The following CTNS variants were observed in gnomAD, a reference collection of about 807,000 sequenced individuals.
The protein encoded by CTNS is cystinosin.
CTNS carries 27 observed loss-of-function variants against 43.7 expected under a neutral mutation model. The observed-to-expected ratio is 0.62, with a 90% confidence interval of 0.46 to 0.85. The LOEUF is 0.85. CTNS is among the 40% of genes least tolerant of loss of function. CTNS has a pLI of 0.00. For synonymous variants in CTNS, 187 were observed against 190.6 expected (o/e 0.98, Z 0.16); for missense variants, 457 against 475.4 (o/e 0.96, Z 0.36).
rs222754 is a variant in CTNS at position 3,661,106 on chromosome 17, T to A, written c.*737T>A. On this transcript the variant is annotated 3_prime_UTR_variant, in exon 12 of 12. Transcript: ENST00000046640. ...TCTCTCCTACCTCCACCTTCTCAGA[T>A]TAGCCCCATCTGAGCACATCCAGCT... 99,220 of 351,798 alleles carry A rather than the reference T, an allele frequency of 0.28. 15,507 individuals are homozygous for A. Among genetic ancestry groups the A allele is most frequent in the East Asian group, 0.52 (6,907 of 13,346 alleles). The allele number at this position is 351,798 out of a possible 1,614,324, so 21.8% of individuals were successfully genotyped here. A position where few individuals can be genotyped will look rare whatever the true frequency, so the allele number is the denominator to read the frequency against.
chr17:3,656,592 G>A lies in CTNS; in HGVS notation c.561+6G>A, dbSNP rs2076153267. 2.5e-6 allele frequency: 4 copies of A among 1,611,586 alleles called. No individual in the cohort carries two copies. The highest frequency in any genetic ancestry group is 3.4e-6 in the Non-Finnish European group (4 of 1,179,388). ...TCTGGGTGCCCTACATCAAGGTACGGCCTTGCCTGCCCTACATCTCTGCCC... is the reference window on the plus strand; with the variant it reads ...TCTGGGTGCCCTACATCAAGGTACGACCTTGCCTGCCCTACATCTCTGCCC... On this transcript the variant is annotated splice_donor_region_variant and intron_variant, in intron 8 of 11. Coordinates refer to ENST00000046640, the MANE Select transcript of CTNS (RefSeq NM_004937.3).
rs533430300 is a variant in CTNS at position 3,647,528 on chromosome 17, T to C, written c.140+6T>C. ...AACGTCAGCCTCACCCTGCGGTAAGTTCCTGGGCCTGGCGCTGTGCTCAGC... is the reference window on the plus strand; with the variant it reads ...AACGTCAGCCTCACCCTGCGGTAAGCTCCTGGGCCTGGCGCTGTGCTCAGC... On this transcript the variant is annotated splice_donor_region_variant and intron_variant, in intron 4 of 11. Coordinates refer to ENST00000046640, the MANE Select transcript of CTNS (RefSeq NM_004937.3). The C allele has an allele frequency of 2.2e-5, 35 of 1,613,804 alleles. No homozygotes were observed. The East Asian group carries it at 6.7e-4, about 31-fold the overall frequency.
In CTNS at chr17:3,655,102, G is replaced by A. The variant is rs774342793; in HGVS notation, c.329+1G>A. On this transcript the variant is annotated splice_donor_variant, in intron 6 of 11. Coordinates refer to ENST00000046640, the MANE Select transcript of CTNS (RefSeq NM_004937.3). LOFTEE classifies it high-confidence loss of function. ...ATGGAAATCACTCCAATCAGACCGGGTAGGCTGGCCTCAGGGTGTGCGGGC... is the reference window on the plus strand; with the variant it reads ...ATGGAAATCACTCCAATCAGACCGGATAGGCTGGCCTCAGGGTGTGCGGGC... The A allele has an allele frequency of 4.3e-6, 7 of 1,613,944 alleles. No individual in the cohort carries two copies. The highest frequency in any genetic ancestry group is 5.9e-6 in the Non-Finnish European group (7 of 1,179,794).
intron 7 of CTNS, 99 bp downstream of exon 7, chr17:3,655,451 C>T: frequency 6.5e-7 from 1 of 1,543,200 alleles, no homozygotes; most frequent in South Asian, 1.1e-5. Flanking sequence ...GTCCCCTCTA[C>T]CCTTCTGTCT....
chr17:3,637,424 C>T (rs535660302), intron 2 of CTNS, 108 bp downstream of exon 2: 3 of 151,898 alleles, frequency 2.0e-5, no homozygotes, highest in African/African-American at 7.3e-5. Flanking sequence ...TGGCCACAAA[C>T]CATTGTAATA....
intron 5 of CTNS, among the ~76,000 whole-genome samples, 153 bp from the exon 6 acceptor site, chr17:3,654,845 G>A (rs573350959): frequency 5.9e-5 from 9 of 152,270 alleles, no homozygotes; most frequent in African/African-American, 2.2e-4. Flanking sequence ...GCTGGTGGGC[G>A]CAGCGTCTCT....
chr17:3,655,072 T>G lies in CTNS; in HGVS notation c.300T>G (p.Tyr100Ter). The change falls in exon 6 of 12, where the codon TAT becomes TAG. Residue 100 changes from tyrosine (Y) to a stop codon, truncating the protein, a stop_gained. Transcript: ENST00000046640. LOFTEE classifies it high-confidence loss of function. ...TSQNVGQLTV[Y>*]LHGNHSNQTG... ...AAAATGTTGGACAACTTACTGTTTA[T>G]CTACATGGAAATCACTCCAATCAGA... 8 of 1,614,160 alleles carry G rather than the reference T, an allele frequency of 5.0e-6. No individual in the cohort carries two copies. The highest frequency in any genetic ancestry group is 5.9e-6 in the Non-Finnish European group (7 of 1,179,986).
In CTNS at chr17:3,662,123, C is replaced by T. The variant is rs1331282846; in HGVS notation, c.*1754C>T. Among the ~76,000 whole-genome samples the T allele has an allele frequency of 4.6e-5, 7 of 152,096 alleles. No individual in the cohort carries two copies. The highest frequency in any genetic ancestry group is 1.0e-4 in the Non-Finnish European group (7 of 68,016). ...ATCAGGAGTTCGAGACCAGCCTAGC[C>T]AACATTGCAAAACCCCATCTCTACT... On this transcript the variant is annotated 3_prime_UTR_variant, in exon 12 of 12. Coordinates refer to ENST00000046640, the MANE Select transcript of CTNS (RefSeq NM_004937.3).
intron 3 of CTNS, among the ~76,000 whole-genome samples, chr17:3,643,370 C>T (rs1186217531): frequency 6.6e-6 from 1 of 151,880 alleles, no homozygotes. Context: ...AATGGGAGCT[C>T]GGTGTATAGC....
Position 3,658,368 on chromosome 17 carries a change from C to A in CTNS, c.852+193C>A, listed in dbSNP as rs375439723. ...CGCTCTTCCCCCGGGGCTGGAATCACAGGAGATCGCTAGCGGAGGCCCCTT... is the reference window on the plus strand; with the variant it reads ...CGCTCTTCCCCCGGGGCTGGAATCAAAGGAGATCGCTAGCGGAGGCCCCTT... On this transcript the variant is annotated intron_variant, in intron 10 of 11. Coordinates refer to ENST00000046640, the MANE Select transcript of CTNS (RefSeq NM_004937.3). Among the ~76,000 whole-genome samples the A allele has an allele frequency of 5.8e-4, 88 of 152,346 alleles. No individual in the cohort carries two copies. In the South Asian group the frequency reaches 0.018, roughly 32 times the overall value.
At chr17:3,642,041 C>G (rs1431728004) in intron 3 of CTNS, among the ~76,000 whole-genome samples, 9 of 143,784 alleles carry the variant, frequency 6.3e-5, no homozygotes, top group African/African-American at 7.9e-5. Flanking sequence ...TTGCCTGGGC[C>G]TGTGTGTGTG....
intron 3 of CTNS, among the ~76,000 whole-genome samples, chr17:3,640,719 G>A (rs1015714771): frequency 2.6e-5 from 4 of 152,204 alleles, no homozygotes; most frequent in Non-Finnish European, 4.4e-5. Context: ...GCAACGTAGT[G>A]AAACCCCATG....
rs76153698 is a variant in CTNS at position 3,659,990 on chromosome 17, G to A, written c.970+15G>A. ...CTACAACAACGGTGAGTCAGCCAGC[G>A]GGCTGCTGGCCACCCTGCGGCTGGG... On this transcript the variant is annotated intron_variant, in intron 11 of 11. Transcript: ENST00000046640. 0.02 allele frequency: 31,707 copies of A among 1,596,700 alleles called. 468 individuals carry two copies. The highest frequency in any genetic ancestry group is 0.07 in the African/African-American group (5,240 of 74,712).
At chr17:3,647,593 G>A in intron 4 of CTNS, 71 bp downstream of exon 4, 6 of 1,343,702 alleles carry the variant, frequency 4.5e-6, no homozygotes, top group Non-Finnish European at 6.4e-6. Context: ...CTGACCCCTG[G>A]CTCAGTCTGT....
intron 7 of CTNS, chr17:3,655,888 G>A (rs759590436): frequency 4.0e-6 from 1 of 251,486 alleles, no homozygotes; most frequent in Non-Finnish European, 7.8e-6. Context: ...CTTGGGCAGG[G>A]GAGGAAGGGA....
chr17:3,661,753 G>A lies in CTNS; in HGVS notation c.*1384G>A, dbSNP rs998716406. 1.3e-5 allele frequency among the ~76,000 whole-genome samples: 2 copies of A among 152,218 alleles called. No homozygotes were observed. The highest frequency in any genetic ancestry group is 6.5e-5 in the Admixed American group (1 of 15,288). ...AGTCTCCCAGGCTCCGTGTCTTCACGGTTACCAGGGCACGCCACTCAATCT... is the reference window on the plus strand; with the variant it reads ...AGTCTCCCAGGCTCCGTGTCTTCACAGTTACCAGGGCACGCCACTCAATCT... On this transcript the variant is annotated 3_prime_UTR_variant, in exon 12 of 12. Coordinates refer to ENST00000046640, the MANE Select transcript of CTNS (RefSeq NM_004937.3).
chr17:3,643,413 G>A (rs1324512369), intron 3 of CTNS, among the ~76,000 whole-genome samples: 3 of 152,020 alleles, frequency 2.0e-5, no homozygotes, highest in Non-Finnish European at 2.9e-5. Context: ...TGCAGAGTGG[G>A]AGAGAGGCCT....
At chr17:3,656,886 A>G in intron 9 of CTNS, 91 bp downstream of exon 9, 2 of 1,586,802 alleles carry the variant, frequency 1.3e-6, no homozygotes, top group East Asian at 4.5e-5. Flanking sequence ...GAGCCTGGGA[A>G]AGGAAGGGTG....
At chr17:3,650,804 TTTTA>T (rs1461369238) in intron 5 of CTNS, among the ~76,000 whole-genome samples, 1 of 152,190 alleles carries the variant, frequency 6.6e-6, no homozygotes, top group African/African-American at 2.4e-5. Flanking sequence ...TTATTTTTTA[TTTTA>T]TTTATTTGTT....
Sources: gnomAD v4.1 joint callset for allele counts (sites outside exome capture counted in the v4.1 genomes callset) on GRCh38, gnomAD v4.1.1 for gene constraint, MANE v1.5 for transcripts, NCBI Gene and HGNC (gene_info 2026-07-23, HGNC 2026-07-21) for gene names.